KIAA1217: variants seen among roughly 807,000 people sequenced by gnomAD.
The protein encoded by KIAA1217 is sickle tail protein homolog.
In KIAA1217, 88 loss-of-function variants were observed where a neutral mutation model predicts 163.9. The observed-to-expected ratio is 0.54, with a 90% confidence interval of 0.45 to 0.64. The LOEUF (loss-of-function observed/expected upper bound fraction) is 0.64, where lower values mean the gene tolerates loss of function less well. Among genes scored for constraint, KIAA1217 ranks in the 30% least tolerant of loss-of-function variants. KIAA1217 has a pLI of 0.00. For missense variants in KIAA1217, 2,372 were observed against 2,475.0 expected (o/e 0.96, Z 0.88); for synonymous variants, 903 against 923.1 (o/e 0.98, Z 0.39).
chr10:24,534,573 T>C (rs760595409), intron 16 of KIAA1217, among the ~76,000 whole-genome samples: 1 of 152,142 alleles, frequency 6.6e-6, no homozygotes, highest in Non-Finnish European at 1.5e-5. Context: ...TGTCATATTC[T>C]TGGTGGTTAC....
intron 1 of KIAA1217, among the ~76,000 whole-genome samples, chr10:23,963,272 C>T (rs1347228541): frequency 2.0e-5 from 3 of 152,152 alleles, no homozygotes; most frequent in Non-Finnish European, 4.4e-5. Flanking sequence ...CCTTGTCCCC[C>T]ACCCCTTGAG....
At chr10:24,304,865 G>T (rs1354961847) in intron 2 of KIAA1217, among the ~76,000 whole-genome samples, 1 of 152,196 alleles carries the variant, frequency 6.6e-6, no homozygotes, top group Admixed American at 6.5e-5. Context: ...GCTGGGTGAT[G>T]CAGGGCAGAT....
At chr10:23,853,827 G>A (rs1301892360) in intron 1 of KIAA1217, among the ~76,000 whole-genome samples, 1 of 152,064 alleles carries the variant, frequency 6.6e-6, no homozygotes, top group Non-Finnish European at 1.5e-5. Flanking sequence ...ATTCTCTGAT[G>A]GTAGTTTGTA....
chr10:23,795,370 C>G (rs1257610682), intron 1 of KIAA1217, among the ~76,000 whole-genome samples: 2 of 152,080 alleles, frequency 1.3e-5, no homozygotes, highest in Non-Finnish European at 1.5e-5. Flanking sequence ...GCCCCGTGCA[C>G]AGAAAAAGCC....
intron 1 of KIAA1217, among the ~76,000 whole-genome samples, chr10:23,704,439 A>C (rs1836747585): frequency 6.6e-6 from 1 of 151,760 alleles, no homozygotes; most frequent in Non-Finnish European, 1.5e-5. Context: ...TCCCCTACCC[A>C]GTAGTTGCGG....
At chr10:23,827,091 T>C (rs1386062036) in intron 1 of KIAA1217, among the ~76,000 whole-genome samples, 4 of 152,192 alleles carry the variant, frequency 2.6e-5, no homozygotes, top group Non-Finnish European at 5.9e-5. Context: ...TAAGTAACTT[T>C]ATAGGACAGG....
At chr10:24,066,851 C>G (rs1394006440) in intron 2 of KIAA1217, among the ~76,000 whole-genome samples, 2 of 152,032 alleles carry the variant, frequency 1.3e-5, no homozygotes, top group Non-Finnish European at 2.9e-5. Flanking sequence ...TCTTTTTATT[C>G]TTTTTTCTCT....
Position 24,524,335 on chromosome 10 carries a change from T to A in KIAA1217, c.2469T>A (p.Asp823Glu). 6.2e-7 allele frequency: 1 copy of A among 1,609,458 alleles called. No individual in the cohort carries two copies. The highest frequency in any genetic ancestry group is 2.2e-5 in the East Asian group (1 of 44,718). Reference protein sequence around the residue: ...VLTMLRRHVTDGLLKGTDAAQ... With the variant: ...VLTMLRRHVTEGLLKGTDAAQ... ...TGGTTTCTCCTAGACATGTCACTGA[T>A]GGGCTCCTGAAAGGCACGGACGCAG... The change falls in exon 13 of 21, where the codon GAT becomes GAA. Residue 823 changes from aspartate to glutamate, a missense_variant. Asp to Glu is a conservative substitution (Grantham distance 45). This residue lies in a region of KIAA1217 where 1,431 missense variants were observed against 1,470.3 expected (regional missense o/e 0.97). Coordinates refer to ENST00000376454, the MANE Select transcript of KIAA1217 (RefSeq NM_019590.5).
At chr10:24,251,733 G>T (rs2131529938) in intron 2 of KIAA1217, among the ~76,000 whole-genome samples, 1 of 152,148 alleles carries the variant, frequency 6.6e-6, no homozygotes, top group Non-Finnish European at 1.5e-5. Context: ...GGGGCACTGT[G>T]GGGAGGTGGA....
chr10:24,163,011 G>T (rs964586633), intron 2 of KIAA1217, among the ~76,000 whole-genome samples: 1 of 152,086 alleles, frequency 6.6e-6, no homozygotes, highest in African/African-American at 2.4e-5. Context: ...AAATGACATG[G>T]GAAAAAATCA....
intron 6 of KIAA1217, among the ~76,000 whole-genome samples, chr10:24,486,601 C>G (rs2065429601): frequency 6.6e-6 from 1 of 152,230 alleles, no homozygotes; most frequent in South Asian, 2.1e-4. Flanking sequence ...ATGCTCCTGC[C>G]TTGGGCAGAG....
chr10:24,053,765 G>A (rs1849684468), intron 2 of KIAA1217, among the ~76,000 whole-genome samples: 1 of 152,086 alleles, frequency 6.6e-6, no homozygotes, highest in Non-Finnish European at 1.5e-5. Flanking sequence ...GAAATAACCA[G>A]GTTATCTGGA....
chr10:24,404,343 C>T (rs1420319549), intron 3 of KIAA1217, among the ~76,000 whole-genome samples: 2 of 152,018 alleles, frequency 1.3e-5, no homozygotes, highest in Non-Finnish European at 2.9e-5. Context: ...CCAAGGTGGG[C>T]ACATCACAAG....
intron 2 of KIAA1217, among the ~76,000 whole-genome samples, chr10:24,252,356 T>C (rs907899625): frequency 2.0e-5 from 3 of 152,108 alleles, no homozygotes; most frequent in African/African-American, 7.2e-5. Flanking sequence ...AGAGGGAGGA[T>C]TGTTTGAGCC....
intron 1 of KIAA1217, among the ~76,000 whole-genome samples, chr10:24,211,745 C>T (rs2068154778): frequency 6.6e-6 from 1 of 151,864 alleles, no homozygotes; most frequent in Admixed American, 6.6e-5. Flanking sequence ...GAAGCTTCTG[C>T]AGTCAAGGAG....
At chr10:23,826,484 G>T (rs996462792) in intron 1 of KIAA1217, among the ~76,000 whole-genome samples, 6 of 152,146 alleles carry the variant, frequency 3.9e-5, no homozygotes, top group Admixed American at 2.0e-4. Flanking sequence ...GCCCAGCTAG[G>T]AGTTCGATAA....
intron 2 of KIAA1217, among the ~76,000 whole-genome samples, chr10:24,271,385 A>C: frequency 6.6e-6 from 1 of 152,150 alleles, no homozygotes; most frequent in East Asian, 1.9e-4. Flanking sequence ...GAGATTCCAC[A>C]TCATAAGTGC....
At chr10:24,501,952 T>A (rs1385507392) in intron 9 of KIAA1217, among the ~76,000 whole-genome samples, 1 of 151,900 alleles carries the variant, frequency 6.6e-6, no homozygotes, top group Non-Finnish European at 1.5e-5. Context: ...GGTTTCACCG[T>A]GTTAGCCAGG....
intron 2 of KIAA1217, among the ~76,000 whole-genome samples, chr10:24,338,274 A>C (rs1030821854): frequency 6.6e-6 from 1 of 152,162 alleles, no homozygotes; most frequent in Non-Finnish European, 1.5e-5. Flanking sequence ...CTAAGGTTGA[A>C]CCCATACATA....
Sources: allele counts gnomAD v4.1 joint callset (sites outside exome capture counted in the v4.1 genomes callset), GRCh38; gene constraint gnomAD v4.1.1; regional missense constraint gnomAD v4.1.1; transcripts MANE v1.5; gene names NCBI Gene and HGNC (gene_info 2026-07-23, HGNC 2026-07-21).